Variants in ACTR3C observed in about 807,000 individuals in gnomAD.
The protein encoded by ACTR3C is actin related protein 3C, also known as actin-related protein 3C.
ACTR3C carries 18 observed loss-of-function variants against 26.3 expected under a neutral mutation model. The observed-to-expected ratio is 0.68, with a 90% confidence interval of 0.47 to 1.01. ACTR3C has a LOEUF of 1.01. ACTR3C is among the 50% of genes least tolerant of loss of function. ACTR3C has a pLI of 0.00. For missense variants in ACTR3C, 184 were observed against 250.7 expected (o/e 0.73, Z 1.80); for synonymous variants, 55 against 94.5 (o/e 0.58, Z 2.42).
the ACTR3C span, among the ~76,000 whole-genome samples, chr7:150,069,088 A>C: frequency 6.6e-6 from 1 of 152,164 alleles, no homozygotes; most frequent in Admixed American, 6.6e-5. Flanking sequence ...AAAACCTACT[A>C]TGACTTTGAA....
At chr7:149,981,896 T>A in the ACTR3C span, among the ~76,000 whole-genome samples, 1 of 152,206 alleles carries the variant, frequency 6.6e-6, no homozygotes. Context: ...GCACAGAACA[T>A]CGGCCGATGA....
intron 6 of ACTR3C, among the ~76,000 whole-genome samples, chr7:150,255,242 A>ATTTTTTTTTTTTTTT (rs745713614): frequency 1.2e-5 from 1 of 85,608 alleles, no homozygotes; most frequent in Non-Finnish European, 2.3e-5. Flanking sequence ...TTTGTAGGGG[A>ATTTTTTTTTTTTTTT]TTTTTTTTTT....
the ACTR3C span, among the ~76,000 whole-genome samples, chr7:150,191,938 GATATT>G: frequency 6.6e-6 from 1 of 152,030 alleles, no homozygotes; most frequent in Non-Finnish European, 1.5e-5. Context: ...ATCACGAGTG[GATATT>G]ATAATTTATT....
chr7:150,017,395 A>G, the ACTR3C span, among the ~76,000 whole-genome samples: 4 of 150,776 alleles, frequency 2.7e-5, no homozygotes, highest in African/African-American at 9.9e-5. Flanking sequence ...GACACACTAT[A>G]TCACAGACCA....
chr7:150,260,854 A>C (rs1027827071), intron 6 of ACTR3C, among the ~76,000 whole-genome samples: 1 of 152,138 alleles, frequency 6.6e-6, no homozygotes, highest in African/African-American at 2.4e-5. Context: ...TTCTTCTTCC[A>C]CCTTTAAAGC....
At chr7:149,928,140 C>G in the ACTR3C span, among the ~76,000 whole-genome samples, 1 of 151,972 alleles carries the variant, frequency 6.6e-6, no homozygotes, top group Non-Finnish European at 1.5e-5. Flanking sequence ...TTCTAAAAAT[C>G]TAAGCCACAG....
chr7:149,978,265 C>T, the ACTR3C span, among the ~76,000 whole-genome samples: 2 of 152,170 alleles, frequency 1.3e-5, no homozygotes, highest in Non-Finnish European at 2.9e-5. Context: ...AAGTATTTCC[C>T]TTTCATTCAG....
At chr7:150,121,738 A>T in the ACTR3C span, among the ~76,000 whole-genome samples, 1 of 151,434 alleles carries the variant, frequency 6.6e-6, no homozygotes, top group East Asian at 1.9e-4. Context: ...ACTACTTTAA[A>T]TTTCATATGG....
At chr7:150,162,405 A>G in the ACTR3C span, among the ~76,000 whole-genome samples, 1 of 151,938 alleles carries the variant, frequency 6.6e-6, no homozygotes, top group Non-Finnish European at 1.5e-5. Flanking sequence ...GGCTCACTGC[A>G]ACCTCTGCCT....
chr7:150,047,899 T>C, the ACTR3C span: 5 of 1,381,962 alleles, frequency 3.6e-6, no homozygotes, highest in Non-Finnish European at 4.8e-6. Flanking sequence ...TTTTTAATAT[T>C]TTGCTTTCTC....
chr7:150,101,635 A>G, the ACTR3C span, among the ~76,000 whole-genome samples: 11 of 151,846 alleles, frequency 7.2e-5, no homozygotes, highest in Admixed American at 5.2e-4. Flanking sequence ...GATGGAGCTT[A>G]GCGCTTCACC....
At chr7:149,995,631 T>C in the ACTR3C span, among the ~76,000 whole-genome samples, 1 of 152,244 alleles carries the variant, frequency 6.6e-6, no homozygotes, top group African/African-American at 2.4e-5. Context: ...GAACAACTGA[T>C]CTGAACTGGA....
the ACTR3C span, among the ~76,000 whole-genome samples, chr7:150,125,971 G>A: frequency 6.6e-6 from 1 of 152,176 alleles, no homozygotes; most frequent in Non-Finnish European, 1.5e-5. Context: ...ATGCAGGGCT[G>A]CTCTCTCTGG....
chr7:150,186,354 T>C, the ACTR3C span, among the ~76,000 whole-genome samples: 2 of 152,274 alleles, frequency 1.3e-5, no homozygotes, highest in African/African-American at 4.8e-5. Flanking sequence ...CAGTTTGAAA[T>C]GATATTTATT....
chr7:150,104,041 GT>G, the ACTR3C span, among the ~76,000 whole-genome samples: 1 of 151,844 alleles, frequency 6.6e-6, no homozygotes, highest in Non-Finnish European at 1.5e-5. Flanking sequence ...AGGTAAATGA[GT>G]TTGAAGGGAA....
At chr7:150,102,902 C>T in the ACTR3C span, among the ~76,000 whole-genome samples, 1 of 152,064 alleles carries the variant, frequency 6.6e-6, no homozygotes, top group East Asian at 1.9e-4. Context: ...AACCCCAGCA[C>T]CCGAACAGCA....
the ACTR3C span, among the ~76,000 whole-genome samples, chr7:149,975,481 C>T: frequency 6.6e-6 from 1 of 151,948 alleles, no homozygotes; most frequent in African/African-American, 2.4e-5. Flanking sequence ...AAACTACACT[C>T]TGCCTTACGA....
chr7:149,956,528 T>G, the ACTR3C span, among the ~76,000 whole-genome samples: 1 of 152,264 alleles, frequency 6.6e-6, no homozygotes, highest in Non-Finnish European at 1.5e-5. Context: ...CATGTTTACA[T>G]GTTTATTTGT....
the ACTR3C span, among the ~76,000 whole-genome samples, chr7:150,173,775 G>A: frequency 6.8e-6 from 1 of 146,734 alleles, no homozygotes; most frequent in African/African-American, 2.7e-5. Flanking sequence ...TGAATGTTTT[G>A]CTGCTTAGAA....
Sources: gnomAD v4.1 joint callset for allele counts (sites outside exome capture counted in the v4.1 genomes callset) on GRCh38, gnomAD v4.1.1 for gene constraint, MANE v1.5 for transcripts, NCBI Gene and HGNC (gene_info 2026-07-23, HGNC 2026-07-21) for gene names.